DCTD: variants seen among roughly 807,000 people sequenced by gnomAD.
DCTD encodes the protein deoxycytidylate deaminase.
A neutral mutation model predicts 21.0 loss-of-function variants in DCTD; 23 were observed. That is an observed-to-expected ratio of 1.09 (90% CI 0.79 to 1.55). The LOEUF (loss-of-function observed/expected upper bound fraction) is 1.55, where lower values mean the gene tolerates loss of function less well. DCTD is among the 40% of genes most tolerant of loss of function. DCTD has a pLI of 0.00. For missense variants in DCTD, 224 were observed against 230.0 expected, an observed-to-expected ratio of 0.97 and a Z score of 0.17; for synonymous variants, 71 against 81.1, an observed-to-expected ratio of 0.88 and a Z score of 0.67.
chr4:182,911,763 T>C (rs1579768401), intron 3 of DCTD, among the ~76,000 whole-genome samples: 1 of 152,218 alleles, frequency 6.6e-6, no homozygotes, highest in Non-Finnish European at 1.5e-5. Context: ...GTCCAGGACA[T>C]ACATAAACTT....
At chr4:182,916,213 G>C (rs1738699971) in intron 1 of DCTD, 1 of 205,174 alleles carries the variant, frequency 4.9e-6, no homozygotes, top group South Asian at 1.7e-4. Flanking sequence ...TCCGAGTAAT[G>C]AATTACATGA....
chr4:182,909,894 A>C (rs1737372186), intron 3 of DCTD, among the ~76,000 whole-genome samples: 1 of 152,258 alleles, frequency 6.6e-6, no homozygotes, highest in Non-Finnish European at 1.5e-5. Context: ...GAGAATTTAA[A>C]GAGGCACTGC....
In DCTD at chr4:182,916,980, G is replaced by T. The variant is rs1290440998; in HGVS notation, c.-8+331C>A. On this transcript the variant is annotated intron_variant, in intron 1 of 5. Transcript: ENST00000438320. ...CAGCTCTGATCCAGGGCCTACACCCGGCATTCCCAACCCACACACGGGCGC... is the reference window on the plus strand; with the variant it reads ...CAGCTCTGATCCAGGGCCTACACCCTGCATTCCCAACCCACACACGGGCGC... The T allele has an allele frequency of 8.1e-6, 8 of 990,856 alleles. No homozygotes were observed. The African/African-American group carries it at 1.0e-4, about 13-fold the overall frequency. 61.4% of individuals were successfully genotyped at this position (990,856 alleles called of 1,614,324 possible). A position where few individuals can be genotyped will look rare whatever the true frequency, so the allele number is the denominator to read the frequency against.
intron 4 of DCTD, 79 bp from the exon 5 acceptor site, chr4:182,893,206 C>T (rs1338862225): frequency 2.5e-5 from 20 of 811,712 alleles, no homozygotes; most frequent in Non-Finnish European, 3.6e-5. Context: ...AGCTGGAGCA[C>T]TTTCAGCGTC....
chr4:182,893,735 C>T (rs1339717045), intron 4 of DCTD, among the ~76,000 whole-genome samples: 1 of 152,256 alleles, frequency 6.6e-6, no homozygotes, highest in African/African-American at 2.4e-5. Flanking sequence ...CGCCTCCACA[C>T]CTGGGCACCG....
intron 4 of DCTD, among the ~76,000 whole-genome samples, chr4:182,894,253 G>A (rs1254940786): frequency 6.6e-6 from 1 of 152,188 alleles, no homozygotes; most frequent in Non-Finnish European, 1.5e-5. Flanking sequence ...TTGGCAGCTT[G>A]CAGTTTAAGA....
In DCTD at chr4:182,913,306, G is replaced by C. The variant is rs557874649; in HGVS notation, c.244+1617C>G. Reference sequence around the variant, plus strand: ...TTCCCACTCCGACGAGGGAGGGTGAGGTTAAATCAAGGATCTGAGGATTCG... The same window carrying C: ...TTCCCACTCCGACGAGGGAGGGTGACGTTAAATCAAGGATCTGAGGATTCG... On this transcript the variant is annotated intron_variant, in intron 3 of 5. Transcript: ENST00000438320. Among the ~76,000 whole-genome samples, 33 of 152,280 alleles carry C rather than the reference G, an allele frequency of 2.2e-4. No individual in the cohort carries two copies. The South Asian group carries it at 6.4e-3, about 30-fold the overall frequency.
At chr4:182,896,572 C>T (rs1734769774) in intron 3 of DCTD, among the ~76,000 whole-genome samples, 3 of 152,106 alleles carry the variant, frequency 2.0e-5, no homozygotes, top group Admixed American at 6.5e-5. Context: ...ACCCTGACGG[C>T]ATGGGAGGAC....
At chr4:182,891,831 C>G (rs532259200) in intron 5 of DCTD, among the ~76,000 whole-genome samples, 10 of 152,224 alleles carry the variant, frequency 6.6e-5, no homozygotes, top group Admixed American at 2.6e-4. Context: ...CTGCAGCCAA[C>G]TTGGAGTCTC....
chr4:182,909,292 G>A (rs568011091), intron 3 of DCTD, among the ~76,000 whole-genome samples: 71 of 152,280 alleles, frequency 4.7e-4, no homozygotes, highest in Non-Finnish European at 9.0e-4. Context: ...GTGGGTGGGA[G>A]AAGACTCATA....
At chr4:182,905,179 C>T (rs1736447825) in intron 3 of DCTD, among the ~76,000 whole-genome samples, 1 of 152,126 alleles carries the variant, frequency 6.6e-6, no homozygotes. Flanking sequence ...TCCAATGTGG[C>T]TTGCAACCCT....
At chr4:182,898,490 C>T (rs1327098985) in intron 3 of DCTD, among the ~76,000 whole-genome samples, 3 of 152,156 alleles carry the variant, frequency 2.0e-5, no homozygotes, top group Non-Finnish European at 4.4e-5. Context: ...GATGTCTTTG[C>T]TTTTTTCCTA....
Position 182,891,342 on chromosome 4 carries a change from T to C in DCTD, c.*57A>G. On this transcript the variant is annotated 3_prime_UTR_variant, in exon 6 of 6. Coordinates refer to ENST00000438320, the MANE Select transcript of DCTD (RefSeq NM_001921.3). ...TGTGTAACTTCAAGATGAAAGGCAT[T>C]AGCAACCTCTTAGAAGACGATAATC... is the stretch of plus-strand genomic sequence containing the variant. 8.0e-7 allele frequency: 1 copy of C among 1,247,080 alleles called. No homozygotes were observed. Among genetic ancestry groups the C allele is most frequent in the East Asian group, 2.3e-5 (1 of 43,004 alleles). 77.3% of individuals were successfully genotyped at this position (1,247,080 alleles called of 1,614,324 possible).
At position 182,917,045 on chromosome 4, in the gene DCTD, C is replaced by G; in HGVS notation, c.-8+266G>C. On this transcript the variant is annotated intron_variant, in intron 1 of 5. Transcript: ENST00000438320. This position sits in a 1 kb window ranked among gnomAD's most constrained non-coding sequence, Gnocchi z 4.9. The stretch of plus-strand genomic sequence containing the variant: ...TGTTCAGACGCCCAGCACCACCTCC[C>G]GGGGCACTCCAAGGGGCCCGGCCTC... 1 of 987,786 alleles carries G rather than the reference C, an allele frequency of 1.0e-6. No homozygotes were observed. The highest frequency in any genetic ancestry group is 1.2e-6 in the Non-Finnish European group (1 of 831,670). 61.2% of individuals were successfully genotyped at this position (987,786 alleles called of 1,614,324 possible). A position where few individuals can be genotyped will look rare whatever the true frequency, so the allele number is the denominator to read the frequency against.
In DCTD at chr4:182,895,108, G is replaced by A. The variant is rs371562338; in HGVS notation, c.245-503C>T. On this transcript the variant is annotated intron_variant, in intron 3 of 5. Coordinates refer to ENST00000438320, the MANE Select transcript of DCTD (RefSeq NM_001921.3). ...AACGCCAGCAGCCAGACTGGGTCTC[G>A]TTCTGTTGCCCAGAGTGCAGCGGCA... 7.2e-5 allele frequency among the ~76,000 whole-genome samples: 11 copies of A among 152,364 alleles called. No homozygotes were observed. In the East Asian group the frequency reaches 1.4e-3, roughly 19 times the overall value.
intron 3 of DCTD, among the ~76,000 whole-genome samples, chr4:182,909,975 C>T (rs1157684161): frequency 5.3e-5 from 8 of 152,240 alleles, no homozygotes; most frequent in Non-Finnish European, 1.0e-4. Context: ...GGTTTTTCAG[C>T]ATTTTCCTTC....
chr4:182,896,626 G>A (rs1212414451), intron 3 of DCTD, among the ~76,000 whole-genome samples: 1 of 152,174 alleles, frequency 6.6e-6, no homozygotes, highest in East Asian at 1.9e-4. Context: ...GCTTGGGAAG[G>A]CACAAGGTAT....
intron 3 of DCTD, among the ~76,000 whole-genome samples, chr4:182,897,533 T>C (rs1168050280): frequency 6.6e-6 from 1 of 151,280 alleles, no homozygotes; most frequent in East Asian, 1.9e-4. Flanking sequence ...TATTTACATA[T>C]ATATAAAGCT....
In DCTD at chr4:182,915,523, G is replaced by C. The variant is rs754183953; in HGVS notation, c.46C>G (p.Pro16Ala). The change falls in exon 2 of 6, where the codon CCA becomes GCA. Residue 16 changes from proline to alanine, a missense_variant. Coordinates refer to ENST00000438320, the MANE Select transcript of DCTD (RefSeq NM_001921.3). ...CKKRDDYLEW[P>A]EYFMAVAFLS... ...AAGGCCACAGCCATAAAATACTCTGGCCATTCCAAATAGTCGTCCCGTTTC... is the reference window on the plus strand; with the variant it reads ...AAGGCCACAGCCATAAAATACTCTGCCCATTCCAAATAGTCGTCCCGTTTC... 3.1e-6 allele frequency: 5 copies of C among 1,613,690 alleles called. No individual in the cohort carries two copies. The Admixed American group carries it at 8.3e-5, about 27-fold the overall frequency.
Sources: allele counts gnomAD v4.1 joint callset (sites outside exome capture counted in the v4.1 genomes callset), GRCh38; gene constraint gnomAD v4.1.1; non-coding constraint Gnocchi (gnomAD v3.1); transcripts MANE v1.5; gene names NCBI Gene and HGNC (gene_info 2026-07-23, HGNC 2026-07-21).